ANKRD6: variants seen among roughly 807,000 people sequenced by gnomAD.
The protein encoded by ANKRD6 is ankyrin repeat domain 6.
In ANKRD6, 56 loss-of-function variants were observed where a neutral mutation model predicts 82.3. That is an observed-to-expected ratio of 0.68 (90% CI 0.55 to 0.85). ANKRD6 has a LOEUF of 0.85. Ranked by LOEUF, ANKRD6 falls within the 40% of genes least tolerant of loss-of-function variation. ANKRD6 has a pLI of 0.00. For synonymous variants in ANKRD6, 347 were observed against 352.1 expected (o/e 0.99, Z 0.16); for missense variants, 852 against 907.6 (o/e 0.94, Z 0.79).
At chr6:89,572,024 A>G (rs1305284715) in intron 2 of ANKRD6, among the ~76,000 whole-genome samples, 2 of 152,198 alleles carry the variant, frequency 1.3e-5, no homozygotes, top group Non-Finnish European at 2.9e-5. Flanking sequence ...GAATCATACA[A>G]TATGTAGCCT....
Position 89,595,923 on chromosome 6 carries a change from G to T in ANKRD6, c.128G>T (p.Arg43Leu). 6.2e-7 allele frequency: 1 copy of T among 1,607,200 alleles called. No homozygotes were observed. The highest frequency in any genetic ancestry group is 8.5e-7 in the Non-Finnish European group (1 of 1,176,894). Residue 43 changes from arginine to leucine, a missense_variant, in exon 3 of 16, where the codon CGG becomes CTG. By Grantham distance (102) the Arg-to-Leu change is moderately radical. Transcript: ENST00000339746. ...TTCATTTTGCATTCACAGCATGGCC[G>T]GACTCCCCTGCATCTTGCTGCCAAT... ...GARVAVTKHG[R>L]TPLHLAANKG...
intron 13 of ANKRD6, 45 bp downstream of exon 13, chr6:89,624,736 G>C: frequency 6.4e-7 from 1 of 1,573,910 alleles, no homozygotes; most frequent in Non-Finnish European, 8.6e-7. Flanking sequence ...TGTTCTGGCA[G>C]AACATGAACT....
In ANKRD6 at chr6:89,566,855, TA is replaced by T; in HGVS notation, c.-119del. ...CTAGGTCCCGAAGATGGCATATTCATAAAGACATCTTCTGATGATTGTGAAC... is the reference window on the plus strand; with the variant it reads ...CTAGGTCCCGAAGATGGCATATTCATAAGACATCTTCTGATGATTGTGAAC... On this transcript the variant is annotated 5_prime_UTR_variant, in exon 2 of 16. Coordinates refer to ENST00000339746, the MANE Select transcript of ANKRD6 (RefSeq NM_001242809.2). The T allele has an allele frequency of 7.3e-7, 1 of 1,367,696 alleles. No individual in the cohort carries two copies. The highest frequency in any genetic ancestry group is 9.9e-7 in the Non-Finnish European group (1 of 1,008,034). 84.7% of individuals were successfully genotyped at this position (1,367,696 alleles called of 1,614,324 possible).
intron 4 of ANKRD6, among the ~76,000 whole-genome samples, chr6:89,604,197 G>A (rs566518699): frequency 5.9e-5 from 9 of 152,086 alleles, no homozygotes; most frequent in Admixed American, 6.5e-5. Flanking sequence ...GCATGGTGGC[G>A]CATGCCTGTA....
chr6:89,614,838 G>A (rs199657553), intron 7 of ANKRD6, among the ~76,000 whole-genome samples: 127 of 130,248 alleles, frequency 9.8e-4, no homozygotes, highest in Non-Finnish European at 1.1e-3. Flanking sequence ...CTCTTTAAAG[G>A]AAAAAAAAAA....
intron 9 of ANKRD6, among the ~76,000 whole-genome samples, chr6:89,621,042 C>T (rs1325319371): frequency 2.0e-5 from 3 of 152,044 alleles, no homozygotes; most frequent in Non-Finnish European, 2.9e-5. Context: ...GCACTTCAGC[C>T]TGGGGCACAG....
chr6:89,506,968 G>A (rs193022196), intron 1 of ANKRD6, among the ~76,000 whole-genome samples: 359 of 152,346 alleles, frequency 2.4e-3, no homozygotes, highest in African/African-American at 8.2e-3. Flanking sequence ...GGCCAGTGTT[G>A]AGGATTCCAT....
intron 10 of ANKRD6, among the ~76,000 whole-genome samples, chr6:89,622,591 A>G (rs1376686387): frequency 6.6e-6 from 1 of 152,194 alleles, no homozygotes; most frequent in Admixed American, 6.5e-5. Flanking sequence ...TGGCTCCCTT[A>G]TATGAATTAG....
chr6:89,511,999 G>C (rs1356479933), intron 1 of ANKRD6, among the ~76,000 whole-genome samples: 1 of 151,590 alleles, frequency 6.6e-6, no homozygotes, highest in Non-Finnish European at 1.5e-5. Flanking sequence ...GGCTGGTCTC[G>C]AACTCCTGGG....
chr6:89,618,545 A>T, intron 9 of ANKRD6: 1 of 190,432 alleles, frequency 5.3e-6, no homozygotes. Context: ...CCATCATTTA[A>T]TTTTTTTTAA....
At chr6:89,464,797 C>G (rs539076569) in intron 1 of ANKRD6, among the ~76,000 whole-genome samples, 4 of 152,274 alleles carry the variant, frequency 2.6e-5, no homozygotes, top group Non-Finnish European at 5.9e-5. Context: ...GCCTTTGAAG[C>G]AGGAAAAGAA....
chr6:89,587,050 G>A (rs112115622), intron 2 of ANKRD6, among the ~76,000 whole-genome samples: 1,658 of 152,120 alleles, frequency 0.011, 41 homozygotes, highest in African/African-American at 0.038. Context: ...AACTAGCGGG[G>A]CATGGTGGTG....
At chr6:89,528,671 C>T (rs185779681) in intron 1 of ANKRD6, among the ~76,000 whole-genome samples, 220 of 152,328 alleles carry the variant, frequency 1.4e-3, no homozygotes, top group Admixed American at 2.5e-3. Flanking sequence ...TTACTTTCCC[C>T]AGATCCATCA....
At chr6:89,611,809 T>G (rs1298022909) in intron 5 of ANKRD6, among the ~76,000 whole-genome samples, 1 of 152,264 alleles carries the variant, frequency 6.6e-6, no homozygotes, top group Admixed American at 6.5e-5. Context: ...GTTTTACTTT[T>G]TTTAGCCCAC....
At chr6:89,444,850 C>T (rs1771863507) in intron 1 of ANKRD6, among the ~76,000 whole-genome samples, 1 of 152,110 alleles carries the variant, frequency 6.6e-6, no homozygotes, top group Non-Finnish European at 1.5e-5. Context: ...CACCTGTAGT[C>T]CCAGCTACTT....
chr6:89,576,097 G>C lies in ANKRD6; in HGVS notation c.120+9001G>C, dbSNP rs535492938. ...GACGGAGTCTCGCTCTGTCACCCAG[G>C]CTGGAGTGCAGTGGTGCGATCTCAG... On this transcript the variant is annotated intron_variant, in intron 2 of 15. Transcript: ENST00000339746. Among the ~76,000 whole-genome samples, 10 of 151,926 alleles carry C rather than the reference G, an allele frequency of 6.6e-5. No individual in the cohort carries two copies. The East Asian group carries it at 1.8e-3, about 27-fold the overall frequency.
At chr6:89,537,356 C>T (rs1265462123) in intron 1 of ANKRD6, among the ~76,000 whole-genome samples, 1 of 151,926 alleles carries the variant, frequency 6.6e-6, no homozygotes, top group Non-Finnish European at 1.5e-5. Flanking sequence ...CTGCAGGAAC[C>T]CCACCCACAC....
At chr6:89,473,786 C>G (rs1241549902) in intron 1 of ANKRD6, among the ~76,000 whole-genome samples, 1 of 151,962 alleles carries the variant, frequency 6.6e-6, no homozygotes, top group Non-Finnish European at 1.5e-5. Flanking sequence ...CGAGACCAGC[C>G]TGGTCAACAT....
At chr6:89,612,698 G>A (rs1289863387) in intron 6 of ANKRD6, among the ~76,000 whole-genome samples, 2 of 152,210 alleles carry the variant, frequency 1.3e-5, no homozygotes, top group Non-Finnish European at 2.9e-5. Flanking sequence ...TACCCACATA[G>A]AGTGTTGAGT....
Sources: allele counts gnomAD v4.1 joint callset (sites outside exome capture counted in the v4.1 genomes callset), GRCh38; gene constraint gnomAD v4.1.1; transcripts MANE v1.5; gene names NCBI Gene and HGNC (gene_info 2026-07-23, HGNC 2026-07-21).